The following CSTPP1 variants were observed in gnomAD, a reference collection of about 807,000 sequenced individuals.
CSTPP1 encodes the protein centriolar satellite-associated tubulin polyglutamylase complex regulator 1, also known as UPF0705 protein C11orf49.
chr11:47,066,281 A>G, the CSTPP1 span, among the ~76,000 whole-genome samples: 1 of 150,112 alleles, frequency 6.7e-6, no homozygotes, highest in Non-Finnish European at 1.5e-5. Flanking sequence ...ATTGATGAGG[A>G]AAAAAAAAAT....
the CSTPP1 span, among the ~76,000 whole-genome samples, chr11:47,081,474 G>A: frequency 6.6e-6 from 1 of 152,054 alleles, no homozygotes; most frequent in Non-Finnish European, 1.5e-5. Flanking sequence ...TCTCATAAAA[G>A]CCCGTTGAGA....
chr11:47,104,404 G>A, the CSTPP1 span, among the ~76,000 whole-genome samples: 1 of 152,144 alleles, frequency 6.6e-6, no homozygotes, highest in African/African-American at 2.4e-5. Flanking sequence ...CCAAACCTCA[G>A]TCACACTGTG....
At chr11:47,025,477 A>G in the CSTPP1 span, among the ~76,000 whole-genome samples, 1 of 152,254 alleles carries the variant, frequency 6.6e-6, no homozygotes, top group African/African-American at 2.4e-5. Flanking sequence ...GCCTATTATT[A>G]ACAACTTTGT....
the CSTPP1 span, among the ~76,000 whole-genome samples, chr11:47,134,479 T>G: frequency 6.6e-6 from 1 of 152,164 alleles, no homozygotes. Flanking sequence ...CGTGAGCCAC[T>G]GCGCCTGGCC....
At chr11:47,050,831 T>G in the CSTPP1 span, among the ~76,000 whole-genome samples, 1 of 152,220 alleles carries the variant, frequency 6.6e-6, no homozygotes, top group Non-Finnish European at 1.5e-5. Flanking sequence ...AAAGCCCCTC[T>G]TCTAACCTAA....
the CSTPP1 span, among the ~76,000 whole-genome samples, chr11:46,949,784 G>A: frequency 6.6e-6 from 1 of 151,262 alleles, no homozygotes; most frequent in Admixed American, 6.6e-5. Flanking sequence ...CAATTCTCAT[G>A]CCTCAGCCTC....
the CSTPP1 span, chr11:47,155,268 G>A: frequency 6.2e-7 from 1 of 1,611,168 alleles, no homozygotes; most frequent in East Asian, 2.2e-5. Context: ...TCAGGTGAGT[G>A]TTCCGGGGCT....
chr11:47,108,672 C>T, the CSTPP1 span, among the ~76,000 whole-genome samples: 15 of 151,206 alleles, frequency 9.9e-5, no homozygotes, highest in Non-Finnish European at 1.9e-4. Context: ...AGTTCAGAAA[C>T]CCACAAGGGT....
the CSTPP1 span, among the ~76,000 whole-genome samples, chr11:47,039,666 G>A: frequency 6.3e-5 from 8 of 127,574 alleles, no homozygotes; most frequent in African/African-American, 2.0e-4. Flanking sequence ...ATGAAACCCC[G>A]TCTCTACTAA....
At chr11:47,150,002 A>C in the CSTPP1 span, among the ~76,000 whole-genome samples, 1 of 152,042 alleles carries the variant, frequency 6.6e-6, no homozygotes, top group African/African-American at 2.4e-5. Context: ...CATCTCCCCA[A>C]GAGGCAGTCC....
the CSTPP1 span, among the ~76,000 whole-genome samples, chr11:47,007,789 A>G: frequency 6.6e-6 from 1 of 152,134 alleles, no homozygotes; most frequent in Non-Finnish European, 1.5e-5. Flanking sequence ...CTTTTGGCAG[A>G]TGGCCTGGGC....
At chr11:46,971,385 A>G in the CSTPP1 span, among the ~76,000 whole-genome samples, 1 of 152,214 alleles carries the variant, frequency 6.6e-6, no homozygotes, top group Admixed American at 6.5e-5. Flanking sequence ...CGTTTCTTGG[A>G]TGTAATATAA....
At chr11:47,161,450 C>A in the CSTPP1 span, 1 of 1,613,360 alleles carries the variant, frequency 6.2e-7, no homozygotes, top group Non-Finnish European at 8.5e-7. Context: ...CTCCAGGCTT[C>A]TTCCCTTCTT....
At chr11:47,036,265 ATATATAT>A in the CSTPP1 span, among the ~76,000 whole-genome samples, 11 of 32,824 alleles carry the variant, frequency 3.4e-4, 2 homozygotes, top group Non-Finnish European at 6.1e-4. Flanking sequence ...ATTATATAAT[ATATATAT>A]TATATATTAT....
At chr11:47,018,303 T>C in the CSTPP1 span, among the ~76,000 whole-genome samples, 2 of 145,968 alleles carry the variant, frequency 1.4e-5, no homozygotes, top group Admixed American at 6.8e-5. Context: ...TTTTTTTTTT[T>C]TTTTTTTTTG....
At chr11:47,093,279 C>A in the CSTPP1 span, among the ~76,000 whole-genome samples, 1 of 152,198 alleles carries the variant, frequency 6.6e-6, no homozygotes, top group Non-Finnish European at 1.5e-5. Flanking sequence ...AACAGCAAAA[C>A]TGCAAGAGAC....
chr11:47,106,728 C>T, the CSTPP1 span, among the ~76,000 whole-genome samples: 1 of 152,036 alleles, frequency 6.6e-6, no homozygotes, highest in East Asian at 1.9e-4. Flanking sequence ...AGGCAAAATG[C>T]CCAGGAATGT....
chr11:47,124,746 G>GT, the CSTPP1 span, among the ~76,000 whole-genome samples: 2 of 152,126 alleles, frequency 1.3e-5, no homozygotes, highest in African/African-American at 2.4e-5. Flanking sequence ...CAGAATTCTT[G>GT]TGCATAAATG....
chr11:47,018,943 A>G, the CSTPP1 span, among the ~76,000 whole-genome samples: 2 of 152,054 alleles, frequency 1.3e-5, no homozygotes, highest in Admixed American at 1.3e-4. Flanking sequence ...GTAATCTGCA[A>G]ATATTTTCTA....
Sources: allele counts gnomAD v4.1 joint callset (sites outside exome capture counted in the v4.1 genomes callset), GRCh38; gene constraint gnomAD v4.1.1; transcripts MANE v1.5; gene names NCBI Gene and HGNC (gene_info 2026-07-23, HGNC 2026-07-21).